XRRA1: variants seen among roughly 807,000 people sequenced by gnomAD.
XRRA1 encodes X-ray radiation resistance associated 1.
Under a neutral mutation model 80.2 loss-of-function variants are expected in XRRA1, and 69 were observed. That is an observed-to-expected ratio of 0.86 (90% confidence interval 0.71 to 1.05). The LOEUF (loss-of-function observed/expected upper bound fraction) is 1.05, where lower values mean the gene tolerates loss of function less well. Ranked by LOEUF, XRRA1 falls within the 50% of genes least tolerant of loss-of-function variation. XRRA1 has a pLI of 0.00. For missense variants in XRRA1, 967 were observed against 976.4 expected, an observed-to-expected ratio of 0.99 and a Z score of 0.13; for synonymous variants, 348 against 389.9, an observed-to-expected ratio of 0.89 and a Z score of 1.27.
At chr11:74,919,593 C>G (rs1373290829) in intron 8 of XRRA1, 6 of 524,124 alleles carry the variant, frequency 1.1e-5, no homozygotes, top group Non-Finnish European at 2.2e-5. Context: ...CAGAATGGCT[C>G]CTGTGAAGAA....
intron 10 of XRRA1, among the ~76,000 whole-genome samples, chr11:74,897,249 C>G (rs896305551): frequency 1.3e-5 from 2 of 151,748 alleles, no homozygotes; most frequent in Admixed American, 6.6e-5. Context: ...ATGCATCAGT[C>G]TCTTGAGAGC....
intron 10 of XRRA1, among the ~76,000 whole-genome samples, chr11:74,889,710 T>C (rs2050120457): frequency 6.6e-6 from 1 of 152,084 alleles, no homozygotes; most frequent in South Asian, 2.1e-4. Flanking sequence ...TGGAGGAAGA[T>C]CTACCAAGCA....
At chr11:74,927,248 T>TC (rs1942468314) in intron 7 of XRRA1, 143 bp downstream of exon 7, 1 of 93,740 alleles carries the variant, frequency 1.1e-5, no homozygotes, top group Non-Finnish European at 2.3e-5. Context: ...ACCCCCACCC[T>TC]CCCTGGAGGC....
chr11:74,874,246 A>G (rs2045559993), intron 10 of XRRA1, among the ~76,000 whole-genome samples: 1 of 148,374 alleles, frequency 6.7e-6, no homozygotes, highest in South Asian at 2.1e-4. Flanking sequence ...AAAAAAAAAA[A>G]AAAAAAAAAA....
At chr11:74,891,109 A>G (rs901526785) in intron 10 of XRRA1, among the ~76,000 whole-genome samples, 4 of 152,224 alleles carry the variant, frequency 2.6e-5, no homozygotes, top group Non-Finnish European at 5.9e-5. Flanking sequence ...AAAAAAGAGT[A>G]TTTTAGACCA....
chr11:74,866,187 G>T (rs1036339591), intron 10 of XRRA1, among the ~76,000 whole-genome samples: 3 of 152,154 alleles, frequency 2.0e-5, no homozygotes, highest in African/African-American at 7.2e-5. Flanking sequence ...AAGTAATAGA[G>T]ATGTGTGATC....
chr11:74,861,272 C>T (rs896932550), intron 11 of XRRA1, among the ~76,000 whole-genome samples: 1 of 152,304 alleles, frequency 6.6e-6, no homozygotes, highest in South Asian at 2.1e-4. Flanking sequence ...GGAACTGGGC[C>T]GCACAGCAGG....
intron 16 of XRRA1, 50 bp downstream of exon 16, chr11:74,845,023 A>G: frequency 6.3e-7 from 1 of 1,586,424 alleles, no homozygotes. Context: ...ACTTGCTCTG[A>G]GCTGTGGAGA....
At chr11:74,871,901 G>A (rs765540273) in intron 10 of XRRA1, among the ~76,000 whole-genome samples, 11 of 152,218 alleles carry the variant, frequency 7.2e-5, no homozygotes, top group Non-Finnish European at 1.3e-4. Context: ...CTGCTCCTAA[G>A]CCAAACCCTA....
At chr11:74,882,628 C>T (rs961350398) in intron 10 of XRRA1, among the ~76,000 whole-genome samples, 3 of 152,150 alleles carry the variant, frequency 2.0e-5, no homozygotes, top group Non-Finnish European at 4.4e-5. Context: ...GTTTTTTCCC[C>T]ATCTTTGTGG....
Position 74,840,958 on chromosome 11 carries a change from T to G in XRRA1, c.*2242A>C, listed in dbSNP as rs1310384121. ...TTAGGAGGTTATTTTATTTTAATAGTTTTTTCTTCCTGATTTTTTTCAGTT... is the reference window on the plus strand; with the variant it reads ...TTAGGAGGTTATTTTATTTTAATAGGTTTTTCTTCCTGATTTTTTTCAGTT... On this transcript the variant is annotated 3_prime_UTR_variant, in exon 19 of 19. Transcript: ENST00000684022. 1 of 152,110 alleles carries G rather than the reference T, an allele frequency of 6.6e-6. No individual in the cohort carries two copies. The highest frequency in any genetic ancestry group is 2.4e-5 in the African/African-American group (1 of 41,428). The allele number at this position is 152,110 out of a possible 1,614,324, so 9.4% of individuals were successfully genotyped here.
At chr11:74,923,276 C>T (rs1266188934) in intron 7 of XRRA1, among the ~76,000 whole-genome samples, 2 of 152,198 alleles carry the variant, frequency 1.3e-5, no homozygotes, top group Non-Finnish European at 2.9e-5. Context: ...TGACTGAAGT[C>T]CCTGGCATAA....
Position 74,841,489 on chromosome 11 carries a change from T to A in XRRA1, c.*1711A>T, listed in dbSNP as rs1312313242. On this transcript the variant is annotated 3_prime_UTR_variant, in exon 19 of 19. Coordinates refer to ENST00000684022, the MANE Select transcript of XRRA1 (RefSeq NM_001378157.1). ...GTCAAATTGGAAAAAGTGCCAAGAC[T>A]GGATGTGCAGATTGTTCTATGTATT... 1.3e-5 allele frequency: 2 copies of A among 152,222 alleles called. No individual in the cohort carries two copies. Among genetic ancestry groups the A allele is most frequent in the African/African-American group, 4.8e-5 (2 of 41,462 alleles). 9.4% of individuals were successfully genotyped at this position (152,222 alleles called of 1,614,324 possible). A position where few individuals can be genotyped will look rare whatever the true frequency, so the allele number is the denominator to read the frequency against.
Position 74,921,136 on chromosome 11 carries a change from A to G in XRRA1, c.656+78T>C. ...AGCACTTACAGCCTATCTTTATGGCACTTCAAGCTGCTATGGGCTATTTCC... is the reference window on the plus strand; with the variant it reads ...AGCACTTACAGCCTATCTTTATGGCGCTTCAAGCTGCTATGGGCTATTTCC... On this transcript the variant is annotated intron_variant, in intron 8 of 18. Coordinates refer to ENST00000684022, the MANE Select transcript of XRRA1 (RefSeq NM_001378157.1). 3 of 1,555,636 alleles carry G rather than the reference A, an allele frequency of 1.9e-6. No individual in the cohort carries two copies. The South Asian group carries it at 3.6e-5, about 18-fold the overall frequency.
chr11:74,887,761 C>T (rs988673343), intron 10 of XRRA1, among the ~76,000 whole-genome samples: 16 of 152,172 alleles, frequency 1.1e-4, no homozygotes, highest in Non-Finnish European at 1.6e-4. Flanking sequence ...GCAAACGGCA[C>T]ACCAAGAGAT....
chr11:74,908,635 C>G (rs2055162536), intron 8 of XRRA1, among the ~76,000 whole-genome samples: 1 of 152,100 alleles, frequency 6.6e-6, no homozygotes, highest in African/African-American at 2.4e-5. Flanking sequence ...GGTACTGAGA[C>G]TACAAATAAA....
chr11:74,864,801 C>T (rs2043041915), intron 10 of XRRA1, among the ~76,000 whole-genome samples: 1 of 152,200 alleles, frequency 6.6e-6, no homozygotes, highest in South Asian at 2.1e-4. Context: ...CACAAGGACC[C>T]AGAGGGAGAC....
intron 1 of XRRA1, among the ~76,000 whole-genome samples, chr11:74,946,416 T>C (rs960670834): frequency 3.3e-5 from 5 of 152,180 alleles, no homozygotes; most frequent in Non-Finnish European, 7.3e-5. Context: ...GTGAGTGAGC[T>C]CTCACGAGAT....
At chr11:74,912,393 C>A (rs1272286340) in intron 8 of XRRA1, among the ~76,000 whole-genome samples, 1 of 152,184 alleles carries the variant, frequency 6.6e-6, no homozygotes, top group Non-Finnish European at 1.5e-5. Context: ...CTAGGACTGT[C>A]TGCTGACTCC....
Sources: gnomAD v4.1 joint callset for allele counts (sites outside exome capture counted in the v4.1 genomes callset) on GRCh38, gnomAD v4.1.1 for gene constraint, MANE v1.5 for transcripts, NCBI Gene and HGNC (gene_info 2026-07-23, HGNC 2026-07-21) for gene names.